Variants in ADGRL2 observed in about 807,000 individuals in gnomAD.
The protein encoded by ADGRL2 is adhesion G protein-coupled receptor L2, also known as calcium-independent alpha-latrotoxin receptor 2.
Under a neutral mutation model 157.4 loss-of-function variants are expected in ADGRL2, and 44 were observed. The ratio of observed to expected loss-of-function variants is 0.28; its 90% CI spans 0.22 to 0.36. ADGRL2 has a LOEUF of 0.36. ADGRL2 is among the 10% of genes least tolerant of loss of function. The pLI is 1.00. For missense variants in ADGRL2, 1,510 were observed against 1,768.9 expected, an observed-to-expected ratio of 0.85 and a Z score of 2.63; for synonymous variants, 585 against 624.7, an observed-to-expected ratio of 0.94 and a Z score of 0.95.
At chr1:81,683,727 C>G (rs1029829354) in intron 3 of ADGRL2, among the ~76,000 whole-genome samples, 2 of 151,794 alleles carry the variant, frequency 1.3e-5, no homozygotes, top group Non-Finnish European at 2.9e-5. Context: ...ATTCATTGAC[C>G]GATGGGCATT....
intron 1 of ADGRL2, among the ~76,000 whole-genome samples, chr1:81,426,214 G>C (rs561888983): frequency 6.6e-6 from 1 of 152,278 alleles, no homozygotes; most frequent in South Asian, 2.1e-4. Context: ...CTTAGCAAAG[G>C]GGGTTTGCTT....
intron 2 of ADGRL2, among the ~76,000 whole-genome samples, chr1:81,868,339 C>T (rs1401948255): frequency 2.0e-5 from 3 of 152,000 alleles, no homozygotes; most frequent in Non-Finnish European, 2.9e-5. Context: ...TTTTGTCCTC[C>T]TGTTTTTCCA....
chr1:81,900,362 C>G (rs948614393), intron 2 of ADGRL2, among the ~76,000 whole-genome samples: 1 of 152,088 alleles, frequency 6.6e-6, no homozygotes, highest in Non-Finnish European at 1.5e-5. Flanking sequence ...GCTCCTTATC[C>G]CCCGCAATCC....
intron 1 of ADGRL2, among the ~76,000 whole-genome samples, chr1:81,311,148 A>T (rs12125670): frequency 0.42 from 63,670 of 152,028 alleles, 14,084 homozygotes; most frequent in Middle Eastern, 0.53. Context: ...GTTAACATAT[A>T]CAAGCTCAAA....
chr1:81,987,419 A>G, intron 22 of ADGRL2: 1 of 893,188 alleles, frequency 1.1e-6, no homozygotes, highest in South Asian at 1.3e-5. Flanking sequence ...TGAATTAGCT[A>G]ATGAAGATAA....
chr1:81,796,417 A>G (rs2087589910), upstream of ADGRL2, among the ~76,000 whole-genome samples: 1 of 152,194 alleles, frequency 6.6e-6, no homozygotes, highest in South Asian at 2.1e-4. Flanking sequence ...ACACTTTGTG[A>G]TCTGACAGAA....
chr1:81,329,190 T>C (rs1309753340), intron 1 of ADGRL2, among the ~76,000 whole-genome samples: 2 of 151,998 alleles, frequency 1.3e-5, no homozygotes, highest in Non-Finnish European at 2.9e-5. Context: ...GCACTAAAGC[T>C]CCAGTCATTA....
At position 81,317,513 on chromosome 1, in the gene ADGRL2, T is replaced by C. The variant is rs111834865; in HGVS notation, c.-302+11004T>C. Among the ~76,000 whole-genome samples the C allele has an allele frequency of 2.5e-3, 377 of 152,314 alleles. 2 individuals are homozygous for C. The highest frequency in any genetic ancestry group is 8.6e-3 in the African/African-American group (357 of 41,582). ...ATCCCATTCTAGACTATAAATGTTT[T>C]GAGAGTTGTATGTTGTATCACTAAC... is the stretch of plus-strand genomic sequence containing the variant. On this transcript the variant is annotated intron_variant, in intron 1 of 24. Coordinates refer to the ADGRL2 transcript ENST00000370721.
intron 1 of ADGRL2, among the ~76,000 whole-genome samples, chr1:81,803,352 C>A (rs956506265): frequency 2.0e-5 from 3 of 152,000 alleles, no homozygotes; most frequent in Non-Finnish European, 2.9e-5. Flanking sequence ...TTGTTCCTTT[C>A]GCCAGACTGC....
intron 3 of ADGRL2, among the ~76,000 whole-genome samples, chr1:81,689,737 CG>C (rs1372294866): frequency 6.6e-6 from 1 of 152,072 alleles, no homozygotes; most frequent in Non-Finnish European, 1.5e-5. Context: ...TGAGTGGAAT[CG>C]GGGGAAGGGT....
At chr1:81,652,205 G>C (rs909223612) in intron 3 of ADGRL2, among the ~76,000 whole-genome samples, 9 of 152,134 alleles carry the variant, frequency 5.9e-5, no homozygotes, top group African/African-American at 2.2e-4. Context: ...AAGCTACCTT[G>C]TTTCAATTGT....
intron 3 of ADGRL2, among the ~76,000 whole-genome samples, chr1:81,628,910 A>AT (rs1392889186): frequency 6.6e-6 from 1 of 152,220 alleles, no homozygotes; most frequent in African/African-American, 2.4e-5. Context: ...AATGTGATTT[A>AT]TTTTAGATAG....
intron 2 of ADGRL2, among the ~76,000 whole-genome samples, chr1:81,861,666 A>G (rs2093392974): frequency 6.6e-6 from 1 of 152,200 alleles, no homozygotes; most frequent in Non-Finnish European, 1.5e-5. Context: ...AGGCAGGTGG[A>G]TCACTTGAGG....
chr1:81,465,076 G>A (rs1271882619), intron 2 of ADGRL2, among the ~76,000 whole-genome samples: 1 of 152,070 alleles, frequency 6.6e-6, no homozygotes, highest in Admixed American at 6.5e-5. Flanking sequence ...GTTGTCGGTG[G>A]TCACATATTT....
At chr1:81,869,741 A>G (rs2093643409) in intron 2 of ADGRL2, among the ~76,000 whole-genome samples, 1 of 152,128 alleles carries the variant, frequency 6.6e-6, no homozygotes, top group Admixed American at 6.6e-5. Flanking sequence ...AGAATTGAGT[A>G]ATATACATTA....
At chr1:81,763,950 G>A (rs1039408545) in intron 2 of ADGRL2, among the ~76,000 whole-genome samples, 3 of 152,098 alleles carry the variant, frequency 2.0e-5, no homozygotes, top group Non-Finnish European at 2.9e-5. Context: ...ATGTTGCAGT[G>A]AGCCAGGATC....
chr1:81,924,886 A>G (rs1056477811), intron 3 of ADGRL2, among the ~76,000 whole-genome samples: 2 of 152,104 alleles, frequency 1.3e-5, no homozygotes, highest in African/African-American at 4.8e-5. Context: ...CTGATTTGGT[A>G]CTACTGTATT....
intron 2 of ADGRL2, among the ~76,000 whole-genome samples, chr1:81,900,092 T>A (rs1158477677): frequency 6.6e-6 from 1 of 152,166 alleles, no homozygotes; most frequent in Non-Finnish European, 1.5e-5. Flanking sequence ...TGCCTCAACT[T>A]CCTCCTCTGT....
intron 1 of ADGRL2, among the ~76,000 whole-genome samples, chr1:81,421,617 A>C (rs1478628916): frequency 6.6e-6 from 1 of 152,088 alleles, no homozygotes; most frequent in African/African-American, 2.4e-5. Flanking sequence ...TGAGTATTTG[A>C]GCTATCATGA....
Sources: allele counts gnomAD v4.1 joint callset (sites outside exome capture counted in the v4.1 genomes callset), GRCh38; gene constraint gnomAD v4.1.1; transcripts MANE v1.5; gene names NCBI Gene and HGNC (gene_info 2026-07-23, HGNC 2026-07-21).